Variants in USP22 observed in about 807,000 individuals in gnomAD.
USP22 encodes the protein ubiquitin specific peptidase 22, also known as ubiquitin carboxyl-terminal hydrolase 22.
Under a neutral mutation model 68.1 loss-of-function variants are expected in USP22, and 22 were observed. The ratio of observed to expected loss-of-function variants is 0.32; its 90% CI spans 0.23 to 0.46. The LOEUF is 0.46. Among genes scored for constraint, USP22 ranks in the 20% least tolerant of loss-of-function variants. The pLI is 1.00. For missense variants in USP22, 433 were observed against 695.8 expected (o/e 0.62, Z 4.25); for synonymous variants, 279 against 274.2 (o/e 1.02, Z -0.17).
chr17:21,029,692 T>C lies in USP22; in HGVS notation c.172-1018A>G, dbSNP rs527847506. ...ACTGTAGCATATACACAATGGAATATTAATTACTCCACCACAGAAAGGAGT... is the reference window on the plus strand; with the variant it reads ...ACTGTAGCATATACACAATGGAATACTAATTACTCCACCACAGAAAGGAGT... On this transcript the variant is annotated intron_variant, in intron 1 of 12. Transcript: ENST00000261497. 2.4e-3 allele frequency among the ~76,000 whole-genome samples: 360 copies of C among 152,316 alleles called. 3 individuals carry two copies. The highest frequency in any genetic ancestry group is 8.4e-3 in the African/African-American group (350 of 41,574).
At chr17:21,032,188 C>A (rs560063983) in intron 1 of USP22, among the ~76,000 whole-genome samples, 2 of 152,360 alleles carry the variant, frequency 1.3e-5, no homozygotes, top group East Asian at 3.9e-4. Flanking sequence ...CTAGGAGCAA[C>A]AGGCTCCATC....
chr17:21,015,704 C>G, intron 6 of USP22, 48 bp downstream of exon 6: 1 of 1,561,554 alleles, frequency 6.4e-7, no homozygotes, highest in Middle Eastern at 2.3e-4. Flanking sequence ...CCTTCCCCTT[C>G]AAGGAAAACA....
At chr17:21,020,495 T>C (rs966525196) in intron 3 of USP22, among the ~76,000 whole-genome samples, 1 of 148,850 alleles carries the variant, frequency 6.7e-6, no homozygotes, top group African/African-American at 2.6e-5. Context: ...TTCCTTCTGG[T>C]GGGTCTAGTT....
At chr17:21,004,421 G>GA in intron 11 of USP22, 70 bp from the exon 12 acceptor site, 1 of 1,583,798 alleles carries the variant, frequency 6.3e-7, no homozygotes, top group Non-Finnish European at 8.6e-7. Context: ...ATCACCATCA[G>GA]AAACCAGGCA....
Position 21,007,940 on chromosome 17 carries a change from T to C in USP22, c.1160A>G (p.His387Arg), listed in dbSNP as rs748953263. Residue 387 changes from histidine to arginine, a missense_variant, in exon 9 of 13, where the codon CAT (histidine) becomes CGT (arginine). Coordinates refer to ENST00000261497, the MANE Select transcript of USP22 (RefSeq NM_015276.2). ...CTGCTTTGTGGACTCCTGGTAGCTA[T>C]GGCAACCGCTGCACTTGATCTTGGC... ...SSAKIKCSGC[H>R]SYQESTKQLT... 2.5e-6 allele frequency: 4 copies of C among 1,614,030 alleles called. No homozygotes were observed. Among genetic ancestry groups the C allele is most frequent in the East Asian group, 4.5e-5 (2 of 44,894 alleles).
At chr17:21,018,290 T>C (rs1972112672) in intron 4 of USP22, 179 bp from the exon 5 acceptor site, 1 of 575,058 alleles carries the variant, frequency 1.7e-6, no homozygotes, top group Admixed American at 3.6e-5. Flanking sequence ...TGAACGGTAT[T>C]GAAGAATGTC....
chr17:21,028,901 C>T (rs1972255557), intron 1 of USP22, among the ~76,000 whole-genome samples: 1 of 152,236 alleles, frequency 6.6e-6, no homozygotes, highest in South Asian at 2.1e-4. Flanking sequence ...CCGTCCACAA[C>T]TTCAACTGCC....
intron 1 of USP22, among the ~76,000 whole-genome samples, chr17:21,039,512 C>G (rs888026769): frequency 6.6e-6 from 1 of 151,968 alleles, no homozygotes; most frequent in Admixed American, 6.5e-5. Flanking sequence ...TGTGGTGAGC[C>G]GAGATCACGC....
chr17:21,031,749 C>G (rs1279885924), intron 1 of USP22, among the ~76,000 whole-genome samples: 1 of 152,188 alleles, frequency 6.6e-6, no homozygotes, highest in Non-Finnish European at 1.5e-5. Flanking sequence ...TACTACACAA[C>G]CTAGGACTGT....
intron 1 of USP22, among the ~76,000 whole-genome samples, chr17:21,032,436 A>G (rs1972301862): frequency 6.6e-6 from 1 of 152,182 alleles, no homozygotes; most frequent in African/African-American, 2.4e-5. Context: ...GTAAGGTAGC[A>G]CATGTCTTCC....
At chr17:21,031,346 T>C (rs1211253185) in intron 1 of USP22, among the ~76,000 whole-genome samples, 3 of 152,258 alleles carry the variant, frequency 2.0e-5, no homozygotes, top group Non-Finnish European at 4.4e-5. Context: ...AAGGAACTTA[T>C]GATATACTCA....
At chr17:21,038,224 G>A (rs771524105) in intron 1 of USP22, among the ~76,000 whole-genome samples, 9 of 150,716 alleles carry the variant, frequency 6.0e-5, no homozygotes, top group Non-Finnish European at 1.3e-4. Context: ...GGGAGACTCA[G>A]TCTTTTATTT....
At chr17:21,037,660 C>T (rs982856589) in intron 1 of USP22, among the ~76,000 whole-genome samples, 2 of 152,138 alleles carry the variant, frequency 1.3e-5, no homozygotes, top group Admixed American at 6.5e-5. Context: ...CCCAAGAGGA[C>T]GTGAAGACTC....
chr17:21,021,336 G>T (rs956756399), intron 2 of USP22, 110 bp from the exon 3 acceptor site: 1 of 707,528 alleles, frequency 1.4e-6, no homozygotes. Context: ...ACTGTTCACA[G>T]CACCTTCCTA....
At chr17:21,040,632 G>A (rs1972415638) in intron 1 of USP22, among the ~76,000 whole-genome samples, 1 of 152,150 alleles carries the variant, frequency 6.6e-6, no homozygotes. Flanking sequence ...TTAACTTTAG[G>A]AAATTAGGCA....
At chr17:21,037,211 G>A (rs758475385) in intron 1 of USP22, among the ~76,000 whole-genome samples, 98 of 152,134 alleles carry the variant, frequency 6.4e-4, no homozygotes, top group Admixed American at 1.3e-3. Flanking sequence ...ATAAACACAC[G>A]AGTGAGGATC....
At position 21,001,273 on chromosome 17, in the gene USP22, C is replaced by T. The variant is rs1311272790; in HGVS notation, c.*1758G>A. On this transcript the variant is annotated 3_prime_UTR_variant, in exon 13 of 13. Coordinates refer to ENST00000261497, the MANE Select transcript of USP22 (RefSeq NM_015276.2). Reference sequence around the variant, plus strand: ...GAAACCGCATCCCTCAGGCTTCTGCCACACATGATGGTTCTGCGGGCTGTG... The same window carrying T: ...GAAACCGCATCCCTCAGGCTTCTGCTACACATGATGGTTCTGCGGGCTGTG... 6.6e-6 allele frequency: 1 copy of T among 152,132 alleles called. No individual in the cohort carries two copies. The highest frequency in any genetic ancestry group is 1.5e-5 in the Non-Finnish European group (1 of 68,024). The allele number at this position is 152,132 out of a possible 1,614,324, so 9.4% of individuals were successfully genotyped here. A position where few individuals can be genotyped will look rare whatever the true frequency, so the allele number is the denominator to read the frequency against.
At chr17:21,014,346 G>A (rs755273318) in intron 6 of USP22, among the ~76,000 whole-genome samples, 5 of 152,220 alleles carry the variant, frequency 3.3e-5, no homozygotes, top group Non-Finnish European at 7.3e-5. Flanking sequence ...GCTGCTTACA[G>A]AAGGCTCTTC....
rs551482292 is a variant in USP22 at position 21,032,705 on chromosome 17, G to A, written c.172-4031C>T. On this transcript the variant is annotated intron_variant, in intron 1 of 12. Transcript: ENST00000261497. The stretch of plus-strand genomic sequence containing the variant: ...CAGGAATGCAGCACTTTGGGAGGCC[G>A]AGGTGGGAGGACAGCTTGAGGCCAG... Among the ~76,000 whole-genome samples, 47 of 152,194 alleles carry A rather than the reference G, an allele frequency of 3.1e-4. No individual in the cohort carries two copies. In the South Asian group the frequency reaches 9.3e-3, roughly 30 times the overall value.
Sources: allele counts gnomAD v4.1 joint callset (sites outside exome capture counted in the v4.1 genomes callset), GRCh38; gene constraint gnomAD v4.1.1; transcripts MANE v1.5; gene names NCBI Gene and HGNC (gene_info 2026-07-23, HGNC 2026-07-21).